NCOA2: variants seen among roughly 807,000 people sequenced by gnomAD.
The protein encoded by NCOA2 is nuclear receptor coactivator 2.
A neutral mutation model predicts 145.1 loss-of-function variants in NCOA2; 21 were observed. The ratio of observed to expected loss-of-function variants is 0.14; its 90% CI spans 0.10 to 0.21. The LOEUF is 0.21. NCOA2 is among the 10% of genes least tolerant of loss of function. The pLI, the probability that NCOA2 is intolerant of heterozygous loss-of-function variation, is 1.00. For synonymous variants in NCOA2, 619 were observed against 637.5 expected (o/e 0.97, Z 0.44); for missense variants, 1,472 against 1,837.6 (o/e 0.80, Z 3.64).
chr8:70,392,976 A>C (rs1044155123), intron 1 of NCOA2, among the ~76,000 whole-genome samples: 3 of 152,224 alleles, frequency 2.0e-5, no homozygotes, highest in African/African-American at 7.2e-5. Context: ...GGGATACCTG[A>C]ACCTCAAAAG....
chr8:70,287,168 C>T lies in NCOA2; in HGVS notation c.-20+9576G>A, dbSNP rs1036069215. Among the ~76,000 whole-genome samples the T allele has an allele frequency of 5.3e-5, 8 of 152,140 alleles. No individual in the cohort carries two copies. The East Asian group carries it at 1.2e-3, about 22-fold the overall frequency. On this transcript the variant is annotated intron_variant, in intron 2 of 22. Transcript: ENST00000452400. ...CTGAGGCAGGAGGATCAATCTAGCTCGGGAGGTCGAGGCTGCAGTGAGCTA... is the reference window on the plus strand; with the variant it reads ...CTGAGGCAGGAGGATCAATCTAGCTTGGGAGGTCGAGGCTGCAGTGAGCTA...
rs556427207 is a variant in NCOA2, at chr8:70,186,022, A to T, written c.260-11163T>A. ...AGAAACTACGTATAGGAATGCGGCCACCTAACAATGAAAACGCACATACAA... is the reference window on the plus strand; with the variant it reads ...AGAAACTACGTATAGGAATGCGGCCTCCTAACAATGAAAACGCACATACAA... On this transcript the variant is annotated intron_variant, in intron 4 of 22. Transcript: ENST00000452400. Among the ~76,000 whole-genome samples the T allele has an allele frequency of 5.3e-5, 8 of 152,082 alleles. No individual in the cohort carries two copies. The South Asian group carries it at 1.7e-3, about 32-fold the overall frequency.
At chr8:70,219,824 G>A (rs1050701097) in intron 2 of NCOA2, among the ~76,000 whole-genome samples, 7 of 152,124 alleles carry the variant, frequency 4.6e-5, no homozygotes, top group African/African-American at 1.7e-4. Flanking sequence ...TATTTCTAAT[G>A]CTTATGTGAG....
At chr8:70,347,193 C>CA (rs1426902112) in intron 1 of NCOA2, among the ~76,000 whole-genome samples, 4 of 152,012 alleles carry the variant, frequency 2.6e-5, no homozygotes, top group Admixed American at 6.6e-5. Flanking sequence ...ACTAAAAATA[C>CA]AAAAAAATCG....
At chr8:70,247,827 C>T (rs760489900) in intron 2 of NCOA2, among the ~76,000 whole-genome samples, 84 of 152,352 alleles carry the variant, frequency 5.5e-4, no homozygotes, top group Non-Finnish European at 6.2e-4. Context: ...CCAGATCAAT[C>T]GCAGCTAAGA....
chr8:70,401,005 G>A (rs1814179539), intron 1 of NCOA2, among the ~76,000 whole-genome samples: 1 of 152,098 alleles, frequency 6.6e-6, no homozygotes, highest in Admixed American at 6.5e-5. Flanking sequence ...CATTCTTTGA[G>A]CTCCCAAAGA....
chr8:70,302,729 T>C (rs1046961195), intron 1 of NCOA2, among the ~76,000 whole-genome samples: 3 of 152,150 alleles, frequency 2.0e-5, no homozygotes, highest in Non-Finnish European at 4.4e-5. Context: ...CTCAGTTTAA[T>C]AAAAAGCTTC....
rs1187854567 is a variant in NCOA2 at position 70,380,741 on chromosome 8, G to C, written c.-77+22959C>G. ...CAAAATTTTGTTCGAGTGAGCATTTGTTAATTCATATATACCACACGAAAT... is the reference window on the plus strand; with the variant it reads ...CAAAATTTTGTTCGAGTGAGCATTTCTTAATTCATATATACCACACGAAAT... On this transcript the variant is annotated intron_variant, in intron 1 of 22. Transcript: ENST00000452400. 2.6e-5 allele frequency among the ~76,000 whole-genome samples: 4 copies of C among 151,670 alleles called. 1 individual carries two copies. Among genetic ancestry groups the C allele is most frequent in the Non-Finnish European group, 5.9e-5 (4 of 67,950 alleles).
intron 1 of NCOA2, among the ~76,000 whole-genome samples, chr8:70,396,770 G>A (rs1420665622): frequency 2.0e-5 from 3 of 152,218 alleles, no homozygotes; most frequent in Non-Finnish European, 2.9e-5. Flanking sequence ...TTGCAGGACT[G>A]GAACTATTCA....
chr8:70,330,664 G>A (rs1807017147), intron 1 of NCOA2, among the ~76,000 whole-genome samples: 1 of 150,944 alleles, frequency 6.6e-6, no homozygotes, highest in Non-Finnish European at 1.5e-5. Flanking sequence ...TCAGATACCA[G>A]AAATTAAAAT....
intron 1 of NCOA2, among the ~76,000 whole-genome samples, chr8:70,304,635 TTTTTGTTTTTTTG>T (rs1253041441): frequency 6.6e-6 from 1 of 151,694 alleles, no homozygotes; most frequent in Non-Finnish European, 1.5e-5. Flanking sequence ...CCGGCTAATT[TTTTTGTTTTTTTG>T]TTTTGTTTTG....
intron 1 of NCOA2, among the ~76,000 whole-genome samples, chr8:70,301,163 A>C (rs539369424): frequency 6.6e-6 from 1 of 152,202 alleles, no homozygotes; most frequent in Non-Finnish European, 1.5e-5. Context: ...GACCAACCTG[A>C]AAACTGCCTT....
chr8:70,127,357 T>C (rs1326706689), intron 18 of NCOA2, among the ~76,000 whole-genome samples: 2 of 152,226 alleles, frequency 1.3e-5, no homozygotes, highest in Non-Finnish European at 2.9e-5. Context: ...CAGTCCTTTC[T>C]ATAAGAAGAC....
At chr8:70,160,696 A>AGAGAGAGAGAGG (rs1331894915) in intron 9 of NCOA2, among the ~76,000 whole-genome samples, 8 of 138,442 alleles carry the variant, frequency 5.8e-5, no homozygotes, top group African/African-American at 2.1e-4. Context: ...AGAGAGAGAG[A>AGAGAGAGAGAGG]GAGAGACTGA....
chr8:70,346,670 G>A (rs915015108), intron 1 of NCOA2, among the ~76,000 whole-genome samples: 5 of 152,188 alleles, frequency 3.3e-5, no homozygotes, highest in Non-Finnish European at 7.4e-5. Flanking sequence ...TCAGCCTAGT[G>A]CCTACCTCAT....
chr8:70,216,577 T>C, intron 3 of NCOA2, 83 bp downstream of exon 3: 3 of 1,139,884 alleles, frequency 2.6e-6, no homozygotes, highest in Non-Finnish European at 4.0e-6. Context: ...GAATCAGCAG[T>C]AAAATCAATG....
intron 1 of NCOA2, among the ~76,000 whole-genome samples, chr8:70,371,009 C>T (rs550296067): frequency 6.6e-6 from 1 of 152,074 alleles, no homozygotes; most frequent in South Asian, 2.1e-4. Context: ...GGTAACCGGC[C>T]GGGCACGGTG....
chr8:70,374,664 C>A (rs757049765), intron 1 of NCOA2, among the ~76,000 whole-genome samples: 1 of 150,992 alleles, frequency 6.6e-6, no homozygotes, highest in African/African-American at 2.4e-5. Flanking sequence ...TTAGCTGGGG[C>A]AATGGTGTGC....
chr8:70,403,661 C>CCCGCCCGCCCT (rs1814604982), intron 1 of NCOA2, 39 bp downstream of exon 1: 2 of 370,482 alleles, frequency 5.4e-6, no homozygotes. Context: ...CCGCCCGCCC[C>CCCGCCCGCCCT]CCGCCCGCCC....
Sources: gnomAD v4.1 joint callset for allele counts (sites outside exome capture counted in the v4.1 genomes callset) on GRCh38, gnomAD v4.1.1 for gene constraint, MANE v1.5 for transcripts, NCBI Gene and HGNC (gene_info 2026-07-23, HGNC 2026-07-21) for gene names.